Variants in AVEN observed in about 807,000 individuals in gnomAD.
AVEN encodes cell death regulator Aven.
Under a neutral mutation model 38.1 loss-of-function variants are expected in AVEN, and 41 were observed. The observed-to-expected ratio is 1.08, with a 90% CI of 0.84 to 1.40. The LOEUF (loss-of-function observed/expected upper bound fraction) is 1.40. Among genes scored for constraint, AVEN ranks in the 40% most tolerant of loss-of-function variants. The pLI, the probability that AVEN is intolerant of heterozygous loss-of-function variation, is 0.00. For missense variants in AVEN, 605 were observed against 438.8 expected, an observed-to-expected ratio of 1.38 and a Z score of -3.38; for synonymous variants, 206 against 171.8, an observed-to-expected ratio of 1.20 and a Z score of -1.56.
chr15:33,898,049 C>T (rs1430512319), intron 2 of AVEN, among the ~76,000 whole-genome samples: 1 of 152,000 alleles, frequency 6.6e-6, no homozygotes, highest in African/African-American at 2.4e-5. Context: ...ATTAGCTGGG[C>T]GTGGTGGTGG....
In AVEN at chr15:33,867,962, AACTCAATTC is replaced by A. The variant is rs1409348256; in HGVS notation, c.613-116_613-108del. ...AGCCATCAAACTTTGTGACAGAGGAAACTCAATTCAGATAGTTCACAAAGTGGCTCCTTT... is the reference window on the plus strand; with the variant it reads ...AGCCATCAAACTTTGTGACAGAGGAAAGATAGTTCACAAAGTGGCTCCTTT... On this transcript the variant is annotated intron_variant, in intron 4 of 5. Transcript: ENST00000306730. 4.3e-6 allele frequency: 6 copies of A among 1,407,338 alleles called. No individual in the cohort carries two copies. The African/African-American group carries it at 7.2e-5, about 17-fold the overall frequency. The allele number at this position is 1,407,338 out of a possible 1,614,324, so 87.2% of individuals were successfully genotyped here. A position where few individuals can be genotyped will look rare whatever the true frequency, so the allele number is the denominator to read the frequency against.
At chr15:33,940,959 C>T (rs1249310128) in intron 2 of AVEN, among the ~76,000 whole-genome samples, 5 of 152,190 alleles carry the variant, frequency 3.3e-5, no homozygotes, top group Admixed American at 2.0e-4. Flanking sequence ...CATTGTTCCA[C>T]GGTTTCTTTA....
downstream of AVEN, among the ~76,000 whole-genome samples, chr15:33,863,069 T>A (rs1889025622): frequency 6.6e-6 from 1 of 152,302 alleles, no homozygotes; most frequent in East Asian, 1.9e-4. Context: ...AGTGGAAGGA[T>A]GCTGTCCTTT....
chr15:33,853,920 G>A (rs927369192), downstream of AVEN, among the ~76,000 whole-genome samples: 3 of 152,122 alleles, frequency 2.0e-5, no homozygotes, highest in East Asian at 1.9e-4. Context: ...TGGGCTGGGC[G>A]CAGTGGCTCA....
At position 33,959,335 on chromosome 15, in the gene AVEN, G is replaced by A. The variant is rs905107109; in HGVS notation, c.445+43697C>T. Among the ~76,000 whole-genome samples the A allele has an allele frequency of 3.3e-5, 5 of 152,014 alleles. No homozygotes were observed. The East Asian group carries it at 9.7e-4, about 29-fold the overall frequency. On this transcript the variant is annotated intron_variant, in intron 2 of 5. Transcript: ENST00000306730. ...GGACCTGAATGTGCAGCAGTTTTAGGTAATCTCTTCATATCACTTCCCTGC... is the reference window on the plus strand; with the variant it reads ...GGACCTGAATGTGCAGCAGTTTTAGATAATCTCTTCATATCACTTCCCTGC...
chr15:33,921,014 A>T (rs538255359), intron 2 of AVEN, among the ~76,000 whole-genome samples: 1 of 149,878 alleles, frequency 6.7e-6, no homozygotes, highest in Admixed American at 6.6e-5. Context: ...GAGCTCAAGT[A>T]AGCCACCCAC....
chr15:33,871,767 G>A (rs1324166519), intron 3 of AVEN, among the ~76,000 whole-genome samples: 11 of 112,874 alleles, frequency 9.7e-5, no homozygotes, highest in African/African-American at 2.3e-4. Context: ...AAACGAGCTA[G>A]TCTCCTCAAA....
At chr15:33,885,118 C>T (rs973982841) in intron 2 of AVEN, among the ~76,000 whole-genome samples, 6 of 152,232 alleles carry the variant, frequency 3.9e-5, no homozygotes, top group African/African-American at 1.4e-4. Flanking sequence ...AACCAGGACA[C>T]CAAGTTACTG....
chr15:34,007,846 C>T (rs890882185), intron 1 of AVEN, among the ~76,000 whole-genome samples: 1 of 152,178 alleles, frequency 6.6e-6, no homozygotes, highest in Non-Finnish European at 1.5e-5. Flanking sequence ...CCTTCTCCAG[C>T]TTCTAGTGGT....
In AVEN at chr15:34,062,577, A is replaced by G. The variant is rs1438666434; in HGVS notation, n.1637+345T>C. 1.0e-5 allele frequency: 7 copies of G among 687,520 alleles called. No individual in the cohort carries two copies. The South Asian group carries it at 1.6e-4, about 16-fold the overall frequency. The allele number at this position is 687,520 out of a possible 1,614,324, so 42.6% of individuals were successfully genotyped here. ...CTCAAAAAAAAAAAAAAAAAAAACT[A>G]TAAACAATGGATGGACAAGAAAATC... On this transcript the variant is annotated intron_variant and non_coding_transcript_variant, in intron 5 of 11. Transcript: ENST00000675287.
At chr15:33,880,898 T>A (rs1313401622) in intron 2 of AVEN, among the ~76,000 whole-genome samples, 1 of 152,044 alleles carries the variant, frequency 6.6e-6, no homozygotes, top group Non-Finnish European at 1.5e-5. Context: ...CATGAAGGCA[T>A]CTTTGATGCA....
intron 2 of AVEN, among the ~76,000 whole-genome samples, chr15:33,898,720 G>A (rs1478035160): frequency 1.3e-5 from 2 of 152,082 alleles, no homozygotes; most frequent in Non-Finnish European, 2.9e-5. Flanking sequence ...CTGAAGTTTA[G>A]GACTTGAACA....
At chr15:33,913,279 A>C (rs28693964) in intron 2 of AVEN, among the ~76,000 whole-genome samples, 1 of 152,228 alleles carries the variant, frequency 6.6e-6, no homozygotes, top group Non-Finnish European at 1.5e-5. Context: ...CGTTCAAACA[A>C]GGGCTGAAAC....
At chr15:33,950,646 A>G (rs554930951) in intron 2 of AVEN, among the ~76,000 whole-genome samples, 30 of 152,282 alleles carry the variant, frequency 2.0e-4, no homozygotes, top group African/African-American at 6.0e-4. Flanking sequence ...TGCATGTGGG[A>G]GGGAGGTAAA....
intron 2 of AVEN, among the ~76,000 whole-genome samples, chr15:33,883,153 C>G (rs1891561400): frequency 6.6e-6 from 1 of 152,178 alleles, no homozygotes; most frequent in Non-Finnish European, 1.5e-5. Context: ...CATCAGTACT[C>G]TATTCTGGCA....
At chr15:34,036,896 G>A (rs1487764527) in intron 1 of AVEN, among the ~76,000 whole-genome samples, 2 of 152,036 alleles carry the variant, frequency 1.3e-5, no homozygotes, top group African/African-American at 4.8e-5. Context: ...GATCACCTGA[G>A]GTCAGGAGTT....
chr15:33,877,581 G>A (rs368867936), intron 2 of AVEN, among the ~76,000 whole-genome samples: 13 of 152,364 alleles, frequency 8.5e-5, no homozygotes, highest in African/African-American at 2.9e-4. Flanking sequence ...TCGGGAAGCC[G>A]AGGAGGGTGG....
chr15:33,857,204 G>A (rs1169210768), downstream of AVEN, among the ~76,000 whole-genome samples: 3 of 150,014 alleles, frequency 2.0e-5, no homozygotes, highest in East Asian at 2.0e-4. Flanking sequence ...ATGTCTTTTC[G>A]ACAGTTCTGG....
intron 2 of AVEN, among the ~76,000 whole-genome samples, chr15:33,893,357 C>T (rs1892071098): frequency 6.6e-6 from 1 of 152,064 alleles, no homozygotes; most frequent in Non-Finnish European, 1.5e-5. Flanking sequence ...GCTGTATCTC[C>T]ACAGAAATTT....
Sources: allele counts gnomAD v4.1 joint callset (sites outside exome capture counted in the v4.1 genomes callset), GRCh38; gene constraint gnomAD v4.1.1; transcripts MANE v1.5; gene names NCBI Gene and HGNC (gene_info 2026-07-23, HGNC 2026-07-21).